HECTD4: variants seen among roughly 807,000 people sequenced by gnomAD.
HECTD4 encodes the protein probable E3 ubiquitin-protein ligase HECTD4.
Under a neutral mutation model 471.5 loss-of-function variants are expected in HECTD4, and 114 were observed. The ratio of observed to expected loss-of-function variants is 0.24; its 90% CI spans 0.21 to 0.28. The LOEUF is 0.28. Among genes scored for constraint, HECTD4 ranks in the 10% least tolerant of loss-of-function variants. HECTD4 has a pLI of 1.00. For missense variants in HECTD4, 3,866 were observed against 5,651.5 expected (o/e 0.68, Z 10.13); for synonymous variants, 2,012 against 2,256.0 (o/e 0.89, Z 3.07).
chr12:112,203,317 T>C (rs578220229), intron 54 of HECTD4: 2 of 197,962 alleles, frequency 1.0e-5, no homozygotes, highest in East Asian at 1.3e-4. Context: ...TGGGGACTTT[T>C]CCCTGGGAAC....
chr12:112,175,447 C>G (rs1186257584), intron 66 of HECTD4, among the ~76,000 whole-genome samples: 4 of 152,208 alleles, frequency 2.6e-5, no homozygotes, highest in African/African-American at 9.6e-5. Flanking sequence ...GCCTCCAGAA[C>G]TGAGAGAGAA....
chr12:112,231,012 T>C, intron 39 of HECTD4, 190 bp from the exon 40 acceptor site: 3 of 566,902 alleles, frequency 5.3e-6, no homozygotes, highest in Non-Finnish European at 9.2e-6. Flanking sequence ...CTTTGTGGTA[T>C]CTGAAGAACT....
chr12:112,208,666 A>G (rs746834788), intron 50 of HECTD4, 36 bp from the exon 51 acceptor site: 3 of 1,502,862 alleles, frequency 2.0e-6, no homozygotes, highest in African/African-American at 2.8e-5. Context: ...ATTCTAAACA[A>G]GAGCAGGCTA....
In HECTD4 at chr12:112,164,183, G is replaced by A. The variant is rs1167219706; in HGVS notation, c.12627C>T (p.Cys4209=). ...TESPDSPNKP[C]CRFTYLTMTG... is the part of the protein sequence containing the mutation. ...TCATGGTCAGGTAGGTGAACCTGCAGCAGGGCTTGTTGGGGCTGTCAGGGC... is the reference window on the plus strand; with the variant it reads ...TCATGGTCAGGTAGGTGAACCTGCAACAGGGCTTGTTGGGGCTGTCAGGGC... Residue 4209 remains cysteine (C), a synonymous_variant, in exon 73 of 76, where the codon TGC becomes TGT. Coordinates refer to ENST00000682272, the MANE Select transcript of HECTD4 (RefSeq NM_001388303.1). The A allele has an allele frequency of 1.2e-6, 2 of 1,613,724 alleles. No homozygotes were observed. Among genetic ancestry groups the A allele is most frequent in the Admixed American group, 3.3e-5 (2 of 60,024 alleles).
intron 59 of HECTD4, among the ~76,000 whole-genome samples, chr12:112,191,718 T>C (rs769600717): frequency 1.2e-4 from 19 of 152,298 alleles, no homozygotes; most frequent in Non-Finnish European, 2.2e-4. Context: ...ACAGCTAGTA[T>C]AGGAAAAATA....
At chr12:112,347,382 G>T (rs1049958243) in intron 1 of HECTD4, among the ~76,000 whole-genome samples, 1 of 152,076 alleles carries the variant, frequency 6.6e-6, no homozygotes, top group African/African-American at 2.4e-5. Flanking sequence ...GATGGAGCAC[G>T]CTTGTAATCC....
intron 44 of HECTD4, among the ~76,000 whole-genome samples, chr12:112,223,569 C>T (rs117095172): frequency 6.6e-6 from 1 of 152,002 alleles, no homozygotes; most frequent in African/African-American, 2.4e-5. Context: ...ACAGGCACAC[C>T]CCACCATATC....
Position 112,162,268 on chromosome 12 carries a change from A to G in HECTD4, c.*119T>C. On this transcript the variant is annotated 3_prime_UTR_variant, in exon 76 of 76. Transcript: ENST00000682272. This position sits in a 1 kb window ranked among gnomAD's most constrained non-coding sequence, Gnocchi z 5.2. ...CCCTGGAATGTGGACGAAAGTTTGG[A>G]AAAGCAAAATGTTGCCAACTCCTCA... The G allele has an allele frequency of 8.0e-7, 1 of 1,257,682 alleles. No individual in the cohort carries two copies. The highest frequency in any genetic ancestry group is 1.1e-6 in the Non-Finnish European group (1 of 894,188). 77.9% of individuals were successfully genotyped at this position (1,257,682 alleles called of 1,614,324 possible). A position where few individuals can be genotyped will look rare whatever the true frequency, so the allele number is the denominator to read the frequency against.
intron 21 of HECTD4, 108 bp downstream of exon 21, chr12:112,256,212 G>A: frequency 1.3e-6 from 1 of 792,996 alleles, no homozygotes; most frequent in African/African-American, 1.8e-5. Context: ...AGAGATATCT[G>A]CAGACAGAAA....
At position 112,283,314 on chromosome 12, in the gene HECTD4, A is replaced by G. The variant is rs532989036; in HGVS notation, c.1336-12T>C. The G allele has an allele frequency of 8.8e-6, 14 of 1,593,182 alleles. No individual in the cohort carries two copies. The Admixed American group carries it at 1.9e-4, about 22-fold the overall frequency. On this transcript the variant is annotated splice_polypyrimidine_tract_variant and intron_variant, in intron 7 of 75. Coordinates refer to ENST00000682272, the MANE Select transcript of HECTD4 (RefSeq NM_001388303.1). The stretch of plus-strand genomic sequence containing the variant: ...ACACCATTTTCAACCTAACATAGAA[A>G]AAAAGGAGGTCCTAAAATGATATCT...
chr12:112,167,987 C>T (rs1347046401), intron 70 of HECTD4, 70 bp from the exon 71 acceptor site: 2 of 1,227,412 alleles, frequency 1.6e-6, no homozygotes, highest in Admixed American at 3.4e-5. Flanking sequence ...CCCTCCCTCT[C>T]ACCTGCTGGC....
At position 112,273,791 on chromosome 12, in the gene HECTD4, C is replaced by G; in HGVS notation, c.1806G>C (p.Ala602=). Residue 602 remains alanine, a synonymous_variant, in exon 11 of 76, where the codon GCG becomes GCC. Coordinates refer to ENST00000682272, the MANE Select transcript of HECTD4 (RefSeq NM_001388303.1). ...GCATGTTGTTCACTGTGTCATAACA[C>G]GCTCCTGCAAAAAGAGCATACTGTA... ...GRGALVPGLG[A]CYDTVNNMLW... 4 of 1,613,458 alleles carry G rather than the reference C, an allele frequency of 2.5e-6. No homozygotes were observed. The highest frequency in any genetic ancestry group is 1.1e-5 in the South Asian group (1 of 91,000).
At chr12:112,323,960 T>A (rs931056900) in intron 1 of HECTD4, among the ~76,000 whole-genome samples, 2 of 34,442 alleles carry the variant, frequency 5.8e-5, no homozygotes, top group Non-Finnish European at 8.9e-5. Context: ...CTTTCTTTCT[T>A]TCTTTCTTCC....
chr12:112,301,782 C>T (rs2035170131), intron 7 of HECTD4: 1 of 527,736 alleles, frequency 1.9e-6, no homozygotes, highest in African/African-American at 2.0e-5. Flanking sequence ...AAGTTTTACT[C>T]TATTTCTTCA....
chr12:112,218,271 G>A (rs2032985000), intron 45 of HECTD4, among the ~76,000 whole-genome samples: 1 of 152,052 alleles, frequency 6.6e-6, no homozygotes, highest in East Asian at 1.9e-4. Context: ...ATATATTTAT[G>A]GGGTAAGTCA....
chr12:112,217,336 TACACACAC>T (rs71956504), intron 45 of HECTD4, 141 bp from the exon 46 acceptor site: 24 of 409,788 alleles, frequency 5.9e-5, no homozygotes, highest in Middle Eastern at 1.3e-3. Flanking sequence ...CACACACACA[TACACACAC>T]ACACACACAC....
Position 112,245,241 on chromosome 12 carries a change from G to A in HECTD4, c.4514-1232C>T, listed in dbSNP as rs1485714529. On this transcript the variant is annotated intron_variant, in intron 29 of 75. Transcript: ENST00000682272. Reference sequence around the variant, plus strand: ...CTGGTCTTGAACTCCTGGTGTAAGCGATCCTCCTGCCTTGGCCTCCCAAAG... The same window carrying A: ...CTGGTCTTGAACTCCTGGTGTAAGCAATCCTCCTGCCTTGGCCTCCCAAAG... Among the ~76,000 whole-genome samples the A allele has an allele frequency of 3.3e-5, 5 of 152,224 alleles. No homozygotes were observed. In the East Asian group the frequency reaches 9.6e-4, roughly 29 times the overall value.
At position 112,365,621 on chromosome 12, in the gene HECTD4, A is replaced by C. The variant is rs568485188; in HGVS notation, c.177+16331T>G. 2.0e-5 allele frequency among the ~76,000 whole-genome samples: 3 copies of C among 152,274 alleles called. No individual in the cohort carries two copies. In the East Asian group the frequency reaches 5.8e-4, roughly 29 times the overall value. ...AAAACTCCTGAACCTTGACAATACT[A>C]ATGTAAAACAACAATCTGAACAACA... On this transcript the variant is annotated intron_variant, in intron 1 of 75. Transcript: ENST00000682272.
intron 29 of HECTD4, among the ~76,000 whole-genome samples, chr12:112,245,883 G>A (rs1286226075): frequency 6.6e-6 from 1 of 152,130 alleles, no homozygotes; most frequent in African/African-American, 2.4e-5. Context: ...TGTAATCCCA[G>A]CACTTTGGGA....
Sources: gnomAD v4.1 joint callset for allele counts (sites outside exome capture counted in the v4.1 genomes callset) on GRCh38, gnomAD v4.1.1 for gene constraint, Gnocchi (gnomAD v3.1) non-coding constraint, MANE v1.5 for transcripts, NCBI Gene and HGNC (gene_info 2026-07-23, HGNC 2026-07-21) for gene names.